Variants in MRAS observed in about 807,000 individuals in gnomAD.
The protein encoded by MRAS is muscle RAS oncogene homolog.
Under a neutral mutation model 20.9 loss-of-function variants are expected in MRAS, and 4 were observed. The ratio of observed to expected loss-of-function variants is 0.19; its 90% confidence interval spans 0.09 to 0.44. The LOEUF (loss-of-function observed/expected upper bound fraction) is 0.44, where lower values mean the gene tolerates loss of function less well. Ranked by LOEUF, MRAS falls within the 20% of genes least tolerant of loss-of-function variation. The pLI, the probability that MRAS is intolerant of heterozygous loss-of-function variation, is 0.99. For missense variants in MRAS, 154 were observed against 277.5 expected (o/e 0.56, Z 3.16); for synonymous variants, 98 against 102.9 (o/e 0.95, Z 0.29).
At chr3:138,370,677 A>G (rs929206806) in intron 1 of MRAS, among the ~76,000 whole-genome samples, 2 of 152,206 alleles carry the variant, frequency 1.3e-5, no homozygotes, top group African/African-American at 4.8e-5. Context: ...CACTCGAATG[A>G]GAGGAAATCA....
At chr3:138,392,513 T>G (rs530682476) in intron 2 of MRAS, among the ~76,000 whole-genome samples, 38 of 152,384 alleles carry the variant, frequency 2.5e-4, no homozygotes, top group African/African-American at 8.9e-4. Flanking sequence ...TCCTTTTTTT[T>G]GTCCACATAC....
chr3:138,388,291 T>G (rs1003356672), intron 2 of MRAS, among the ~76,000 whole-genome samples: 3 of 152,160 alleles, frequency 2.0e-5, no homozygotes, highest in Admixed American at 2.0e-4. Flanking sequence ...TTCAACTAAG[T>G]GACATTATTT....
intron 1 of MRAS, among the ~76,000 whole-genome samples, chr3:138,352,857 G>C (rs1446624241): frequency 1.3e-5 from 2 of 152,110 alleles, no homozygotes; most frequent in Non-Finnish European, 2.9e-5. Flanking sequence ...GGCCTTGTCT[G>C]GATCCTGTGC....
At chr3:138,370,794 CAT>C (rs1221337617) in intron 1 of MRAS, among the ~76,000 whole-genome samples, 1 of 152,156 alleles carries the variant, frequency 6.6e-6, no homozygotes, top group Non-Finnish European at 1.5e-5. Flanking sequence ...AAAATTGAAA[CAT>C]TAAGAAAATG....
At chr3:138,389,766 G>A (rs1378034442) in intron 2 of MRAS, among the ~76,000 whole-genome samples, 1 of 151,940 alleles carries the variant, frequency 6.6e-6, no homozygotes, top group Admixed American at 6.6e-5. Context: ...TTCCAAGGCT[G>A]TGAAGAGGAC....
chr3:138,364,537 T>C lies in MRAS; in HGVS notation c.-18-8329T>C, dbSNP rs192074252. Reference sequence around the variant, plus strand: ...CAAGCTCTTTGGCAAGGATTTCCAGTTGAGGGGCCAGTCCTGAGCTGGGCA... The same window carrying C: ...CAAGCTCTTTGGCAAGGATTTCCAGCTGAGGGGCCAGTCCTGAGCTGGGCA... On this transcript the variant is annotated intron_variant, in intron 1 of 5. Transcript: ENST00000423968. Among the ~76,000 whole-genome samples the C allele has an allele frequency of 4.6e-5, 7 of 152,322 alleles. No individual in the cohort carries two copies. In the East Asian group the frequency reaches 1.3e-3, roughly 29 times the overall value.
chr3:138,352,136 G>A (rs1289336751), intron 1 of MRAS, among the ~76,000 whole-genome samples: 11 of 152,244 alleles, frequency 7.2e-5, no homozygotes, highest in Non-Finnish European at 1.5e-4. Context: ...CTGACAAAGA[G>A]GGCAGTGCTG....
chr3:138,372,958 CA>C lies in MRAS; in HGVS notation c.79del (p.Ser27ValfsTer25). The C allele has an allele frequency of 6.4e-7, 1 of 1,567,638 alleles. No homozygotes were observed. Among genetic ancestry groups the C allele is most frequent in the African/African-American group, 1.4e-5 (1 of 71,700 alleles). ...TGGTGGTGGGGGATGGGGGTGTGGGCAAAAGTGCCCTCACCATCCAGTTTTT... is the reference window on the plus strand; with the variant it reads ...TGGTGGTGGGGGATGGGGGTGTGGGCAAAGTGCCCTCACCATCCAGTTTTT... ...LVVVGDGGVG[K>X]SALTIQFFQK... is the part of the protein sequence containing the mutation. On this transcript the variant is annotated frameshift_variant, in exon 2 of 6. Transcript: ENST00000423968. LOFTEE classifies it high-confidence loss of function.
chr3:138,353,939 C>G (rs960845981), intron 1 of MRAS, among the ~76,000 whole-genome samples: 1 of 152,208 alleles, frequency 6.6e-6, no homozygotes, highest in Non-Finnish European at 1.5e-5. Context: ...ATGCTCCTTC[C>G]GTTAGACCGT....
chr3:138,371,566 A>G (rs2054674678), intron 1 of MRAS, among the ~76,000 whole-genome samples: 1 of 152,026 alleles, frequency 6.6e-6, no homozygotes, highest in Admixed American at 6.6e-5. Context: ...TCACACGTAC[A>G]CCATGCTTTT....
At chr3:138,358,247 G>A (rs1230428082) in intron 1 of MRAS, among the ~76,000 whole-genome samples, 2 of 152,082 alleles carry the variant, frequency 1.3e-5, no homozygotes, top group East Asian at 1.9e-4. Context: ...TGAGGCAGGA[G>A]AGTCGCTTGA....
chr3:138,401,997 C>G (rs2055369833), intron 5 of MRAS, among the ~76,000 whole-genome samples, 173 bp from the exon 6 acceptor site: 1 of 152,222 alleles, frequency 6.6e-6, no homozygotes, highest in Non-Finnish European at 1.5e-5. Context: ...CCAGGCCCTC[C>G]TCCAGCGGCC....
intron 5 of MRAS, 112 bp from the exon 6 acceptor site, chr3:138,402,058 C>T: frequency 3.0e-6 from 3 of 1,006,234 alleles, no homozygotes; most frequent in Non-Finnish European, 4.5e-6. Flanking sequence ...CACCCACTAA[C>T]CCCGCCAGAA....
chr3:138,387,775 C>T (rs529154856), intron 2 of MRAS, among the ~76,000 whole-genome samples: 1 of 152,300 alleles, frequency 6.6e-6, no homozygotes, highest in Non-Finnish European at 1.5e-5. Context: ...CTAGGTTCCT[C>T]TAAGAATCCC....
chr3:138,363,197 G>A (rs949385488), intron 1 of MRAS, among the ~76,000 whole-genome samples: 4 of 151,860 alleles, frequency 2.6e-5, no homozygotes, highest in African/African-American at 9.7e-5. Context: ...TGAGTAGCTG[G>A]GATTACAGGT....
At chr3:138,402,115 A>G (rs1369538307) in intron 5 of MRAS, 55 bp from the exon 6 acceptor site, 1 of 1,543,438 alleles carries the variant, frequency 6.5e-7, no homozygotes. Context: ...AGAGGGGCAG[A>G]GGAGAAGCAA....
intron 1 of MRAS, among the ~76,000 whole-genome samples, chr3:138,352,830 T>C (rs2054255100): frequency 6.6e-6 from 1 of 152,146 alleles, no homozygotes; most frequent in Non-Finnish European, 1.5e-5. Flanking sequence ...GGTTCTGGCC[T>C]CTGTGACCAT....
chr3:138,353,645 G>A (rs1047922530), intron 1 of MRAS, among the ~76,000 whole-genome samples: 5 of 152,092 alleles, frequency 3.3e-5, no homozygotes, highest in African/African-American at 4.8e-5. Flanking sequence ...CTGTATGTCC[G>A]TCCTTTCTTC....
intron 2 of MRAS, among the ~76,000 whole-genome samples, chr3:138,373,546 A>G (rs2108520959): frequency 6.6e-6 from 1 of 152,350 alleles, no homozygotes; most frequent in South Asian, 2.1e-4. Flanking sequence ...GGCCAGCAGT[A>G]GCCGCAGCAT....
Sources: allele counts gnomAD v4.1 joint callset (sites outside exome capture counted in the v4.1 genomes callset), GRCh38; gene constraint gnomAD v4.1.1; transcripts MANE v1.5; gene names NCBI Gene and HGNC (gene_info 2026-07-23, HGNC 2026-07-21).